The following FOXP1 variants were observed in gnomAD, a reference collection of about 807,000 sequenced individuals.
FOXP1 encodes the protein forkhead box P1, also known as forkhead box protein P1.
In FOXP1, 15 loss-of-function variants were observed where a neutral mutation model predicts 98.2. The ratio of observed to expected loss-of-function variants is 0.15; its 90% CI spans 0.10 to 0.24. The LOEUF (loss-of-function observed/expected upper bound fraction) is 0.24, where lower values mean the gene tolerates loss of function less well. FOXP1 is among the 10% of genes least tolerant of loss of function. The probability of loss-of-function intolerance (pLI) is 1.00; values close to 1 mark genes in which losing one functional copy is unlikely to be tolerated. For synonymous variants in FOXP1, 371 were observed against 314.5 expected (o/e 1.18, Z -1.90); for missense variants, 633 against 848.5 (o/e 0.75, Z 3.15).
At chr3:71,417,175 A>C (rs1380161738) in intron 3 of FOXP1, among the ~76,000 whole-genome samples, 2 of 152,202 alleles carry the variant, frequency 1.3e-5, no homozygotes, top group East Asian at 3.8e-4. Context: ...AGTGTGCTGA[A>C]GTCAAATGGT....
chr3:71,418,385 C>A (rs996922405), intron 3 of FOXP1, among the ~76,000 whole-genome samples: 1 of 152,172 alleles, frequency 6.6e-6, no homozygotes, highest in Admixed American at 6.5e-5. Flanking sequence ...TTCTCCTGCA[C>A]AGGAAAAATG....
At chr3:71,032,823 C>A (rs911548479) in intron 11 of FOXP1, among the ~76,000 whole-genome samples, 2 of 152,290 alleles carry the variant, frequency 1.3e-5, no homozygotes, top group African/African-American at 4.8e-5. Flanking sequence ...GCATAAGACT[C>A]CCAGCTGTCA....
chr3:71,054,152 G>A lies in FOXP1; in HGVS notation c.283-379C>T, dbSNP rs76901806. Among the ~76,000 whole-genome samples, 183 of 152,276 alleles carry A rather than the reference G, an allele frequency of 1.2e-3. 1 individual carries two copies. The highest frequency in any genetic ancestry group is 4.2e-3 in the African/African-American group (175 of 41,554). ...GAATTTTGTTTGAGAGAAGACAAATGGTAACCAGCACCTTTGCAGGTGGAG... is the reference window on the plus strand; with the variant it reads ...GAATTTTGTTTGAGAGAAGACAAATAGTAACCAGCACCTTTGCAGGTGGAG... On this transcript the variant is annotated intron_variant, in intron 7 of 20. Transcript: ENST00000649528.
At chr3:71,199,183 C>T (rs1257710516) in intron 5 of FOXP1, among the ~76,000 whole-genome samples, 1 of 151,046 alleles carries the variant, frequency 6.6e-6, no homozygotes, top group Non-Finnish European at 1.5e-5. Flanking sequence ...TCTCTGCTCA[C>T]TGCCTCCGCC....
intron 5 of FOXP1, among the ~76,000 whole-genome samples, chr3:71,226,226 T>A (rs966055369): frequency 1.3e-5 from 2 of 152,176 alleles, no homozygotes; most frequent in Non-Finnish European, 2.9e-5. Flanking sequence ...CTAACTCAAG[T>A]CCCTCTGGTT....
At chr3:71,070,994 T>C (rs555946114) in intron 7 of FOXP1, among the ~76,000 whole-genome samples, 20 of 152,302 alleles carry the variant, frequency 1.3e-4, no homozygotes, top group Non-Finnish European at 2.1e-4. Context: ...TCCAAGATAA[T>C]TGCCTTCCAC....
At chr3:71,524,740 A>T (rs982207515) in intron 2 of FOXP1, among the ~76,000 whole-genome samples, 1 of 152,234 alleles carries the variant, frequency 6.6e-6, no homozygotes, top group Admixed American at 6.5e-5. Context: ...ACAATGCAAC[A>T]GCTTCTGGTC....
intron 1 of FOXP1, 194 bp downstream of exon 1, chr3:71,583,377 G>C: frequency 1.2e-6 from 1 of 836,138 alleles, no homozygotes. Flanking sequence ...GAGGAAGAGA[G>C]GGGAGGGCTG....
At chr3:71,575,653 C>T (rs545340349) in intron 2 of FOXP1, among the ~76,000 whole-genome samples, 1 of 152,314 alleles carries the variant, frequency 6.6e-6, no homozygotes, top group Admixed American at 6.5e-5. Context: ...GAAACTCAAG[C>T]AAAACTCACA....
Position 71,465,050 on chromosome 3 carries a change from G to A in FOXP1, c.-168+28376C>T, listed in dbSNP as rs544854248. Among the ~76,000 whole-genome samples the A allele has an allele frequency of 3.3e-5, 5 of 152,308 alleles. No individual in the cohort carries two copies. In the East Asian group the frequency reaches 9.6e-4, roughly 29 times the overall value. On this transcript the variant is annotated intron_variant, in intron 3 of 20. Transcript: ENST00000649528. ...AGGCTGGGCACAGTGGCTTAAGCCT[G>A]TAATCCCAGCACTTTGGGAGTCCGA... is the stretch of plus-strand genomic sequence containing the variant.
At position 70,957,206 on chromosome 3, in the gene FOXP1, G is replaced by A. The variant is rs1454944214; in HGVS notation, c.*2041C>T. On this transcript the variant is annotated 3_prime_UTR_variant, in exon 21 of 21. Coordinates refer to ENST00000649528, the MANE Select transcript of FOXP1 (RefSeq NM_001349338.3). Reference sequence around the variant, plus strand: ...CCTTCTGTAGCTCCTTTAATATTGTGTCCTATTTTTATCTGCAGTAGCCCC... The same window carrying A: ...CCTTCTGTAGCTCCTTTAATATTGTATCCTATTTTTATCTGCAGTAGCCCC... The A allele has an allele frequency of 4.5e-6, 1 of 222,654 alleles. No homozygotes were observed. Among genetic ancestry groups the A allele is most frequent in the Non-Finnish European group, 8.9e-6 (1 of 111,756 alleles). 13.8% of individuals were successfully genotyped at this position (222,654 alleles called of 1,614,324 possible).
intron 3 of FOXP1, among the ~76,000 whole-genome samples, chr3:71,483,520 G>A (rs2090438168): frequency 6.6e-6 from 1 of 152,114 alleles, no homozygotes; most frequent in South Asian, 2.1e-4. Flanking sequence ...ACTCTTAAAG[G>A]GCTGGGGGAA....
chr3:71,026,637 G>T (rs772560405), intron 11 of FOXP1, among the ~76,000 whole-genome samples: 4 of 152,174 alleles, frequency 2.6e-5, no homozygotes, highest in Admixed American at 6.5e-5. Context: ...TTTACCAATG[G>T]TAAGAACCTG....
At chr3:71,385,665 C>A (rs1419695100) in intron 3 of FOXP1, among the ~76,000 whole-genome samples, 1 of 152,180 alleles carries the variant, frequency 6.6e-6, no homozygotes, top group Non-Finnish European at 1.5e-5. Flanking sequence ...TAAATATGTA[C>A]ATGAATATGT....
intron 3 of FOXP1, among the ~76,000 whole-genome samples, chr3:71,447,161 C>T (rs1002039320): frequency 2.6e-5 from 4 of 152,224 alleles, no homozygotes; most frequent in African/African-American, 9.6e-5. Flanking sequence ...CAGTGATCAT[C>T]CAAATACCTT....
At position 71,199,519 on chromosome 3, in the gene FOXP1, G is replaced by A. The variant is rs539238057; in HGVS notation, c.-11-1127C>T. On this transcript the variant is annotated intron_variant, in intron 5 of 20. Coordinates refer to ENST00000649528, the MANE Select transcript of FOXP1 (RefSeq NM_001349338.3). ...AGGCAGGTGGAACACTTAAGGTCAG[G>A]AGTTCGAGACCAGTCTGGCCAACAT... 1.5e-4 allele frequency among the ~76,000 whole-genome samples: 22 copies of A among 150,920 alleles called. No individual in the cohort carries two copies. In the East Asian group the frequency reaches 4.1e-3, roughly 28 times the overall value.
intron 7 of FOXP1, among the ~76,000 whole-genome samples, chr3:71,074,937 G>A (rs1156707734): frequency 1.3e-5 from 2 of 152,192 alleles, no homozygotes; most frequent in South Asian, 4.1e-4. Flanking sequence ...GCTGGAAAGA[G>A]AGACAGACAG....
intron 2 of FOXP1, among the ~76,000 whole-genome samples, chr3:71,533,165 A>G (rs1330236850): frequency 1.3e-5 from 2 of 152,190 alleles, no homozygotes; most frequent in Non-Finnish European, 2.9e-5. Flanking sequence ...AACATTTCAC[A>G]ACTGTTAATT....
At chr3:71,434,087 T>C (rs1338575631) in intron 3 of FOXP1, among the ~76,000 whole-genome samples, 2 of 152,200 alleles carry the variant, frequency 1.3e-5, no homozygotes, top group Non-Finnish European at 2.9e-5. Flanking sequence ...AAATATTTCT[T>C]AGGTAAAGCC....
Sources: allele counts gnomAD v4.1 joint callset (sites outside exome capture counted in the v4.1 genomes callset), GRCh38; gene constraint gnomAD v4.1.1; transcripts MANE v1.5; gene names NCBI Gene and HGNC (gene_info 2026-07-23, HGNC 2026-07-21).